ZNF451: variants seen among roughly 807,000 people sequenced by gnomAD.
ZNF451 encodes E3 SUMO-protein ligase ZNF451.
Under a neutral mutation model 107.1 loss-of-function variants are expected in ZNF451, and 80 were observed. The observed-to-expected ratio is 0.75, with a 90% confidence interval of 0.62 to 0.90. The LOEUF is 0.90. Ranked by LOEUF, ZNF451 falls within the 40% of genes least tolerant of loss-of-function variation. ZNF451 has a pLI of 0.00. For missense variants in ZNF451, 1,107 were observed against 1,236.2 expected, an observed-to-expected ratio of 0.90 and a Z score of 1.57; for synonymous variants, 362 against 406.5, an observed-to-expected ratio of 0.89 and a Z score of 1.32.
intron 7 of ZNF451, among the ~76,000 whole-genome samples, chr6:57,137,158 C>T (rs1310343674): frequency 6.6e-6 from 1 of 152,210 alleles, no homozygotes; most frequent in Non-Finnish European, 1.5e-5. Context: ...ACCACAAGGA[C>T]TCTAAAGAAA....
intron 3 of ZNF451, among the ~76,000 whole-genome samples, chr6:57,117,174 G>T (rs1327655443): frequency 6.6e-6 from 1 of 152,068 alleles, no homozygotes; most frequent in Non-Finnish European, 1.5e-5. Context: ...AATCAGAAGT[G>T]TTTGGGTTTT....
In ZNF451 at chr6:57,106,427, C is replaced by T. The variant is rs912243477; in HGVS notation, c.186+7286C>T. ...CGGGTTCAAGCAATTCTGTCTCAGC[C>T]TCCCGAGTAGCTGGGATTACAGGCA... On this transcript the variant is annotated intron_variant, in intron 3 of 14. Coordinates refer to ENST00000370706, the MANE Select transcript of ZNF451 (RefSeq NM_001031623.3). 6.5e-6 allele frequency: 4 copies of T among 613,490 alleles called. No homozygotes were observed. In the Admixed American group the frequency reaches 2.5e-4, roughly 39 times the overall value. 38.0% of individuals were successfully genotyped at this position (613,490 alleles called of 1,614,324 possible).
At chr6:57,099,772 T>C (rs996657206) in intron 3 of ZNF451, among the ~76,000 whole-genome samples, 1 of 152,220 alleles carries the variant, frequency 6.6e-6, no homozygotes, top group African/African-American at 2.4e-5. Flanking sequence ...TTGTCCTTGC[T>C]TTAGCCCAAA....
Position 57,150,762 on chromosome 6 carries a change from CATGACTCAT to C in ZNF451, c.2655_2663del (p.Met885_His887del). 6.2e-7 allele frequency: 1 copy of C among 1,612,066 alleles called. No individual in the cohort carries two copies. The highest frequency in any genetic ancestry group is 8.5e-7 in the Non-Finnish European group (1 of 1,179,068). ...TTCCAGATTTGGATTACCTGCGAAC[CATGACTCAT>C]ATAGTCTTTGTAGATTTTGATAACT... On this transcript the variant is annotated inframe_deletion, in exon 11 of 15. Coordinates refer to ENST00000370706, the MANE Select transcript of ZNF451 (RefSeq NM_001031623.3).
intron 14 of ZNF451, among the ~76,000 whole-genome samples, chr6:57,167,177 A>G (rs1229202047): frequency 6.7e-6 from 1 of 150,056 alleles, no homozygotes; most frequent in African/African-American, 2.5e-5. Flanking sequence ...GATTTCGTAT[A>G]TATATACACA....
chr6:57,158,621 A>G (rs1763536145), intron 13 of ZNF451: 1 of 985,372 alleles, frequency 1.0e-6, no homozygotes, highest in Non-Finnish European at 1.2e-6. Context: ...CCTGCCTCCC[A>G]TTGCTTCCTC....
chr6:57,161,112 C>T lies in ZNF451; in HGVS notation c.3099C>T (p.Ala1033=). The part of the protein sequence containing the change: ...KECDSDDNMG[A]KNTSIGEEFI... The stretch of plus-strand genomic sequence containing the variant: ...GTGACAGTGATGATAACATGGGTGC[C>T]AAAAATACTTCAATAGGAGAAGAAT... Residue 1033 remains alanine, a synonymous_variant, in exon 14 of 15, where the codon GCC becomes GCT. Coordinates refer to ENST00000370706, the MANE Select transcript of ZNF451 (RefSeq NM_001031623.3). The T allele has an allele frequency of 6.4e-7, 1 of 1,559,460 alleles. No homozygotes were observed. Among genetic ancestry groups the T allele is most frequent in the Non-Finnish European group, 8.6e-7 (1 of 1,158,100 alleles).
chr6:57,113,620 A>ATTT (rs869045366), intron 3 of ZNF451, among the ~76,000 whole-genome samples: 6 of 137,228 alleles, frequency 4.4e-5, no homozygotes, highest in South Asian at 2.3e-4. Context: ...AGAAAAAAAA[A>ATTT]TTTTTTTTTT....
chr6:57,099,551 G>A, intron 3 of ZNF451: 2 of 715,784 alleles, frequency 2.8e-6, no homozygotes, highest in Non-Finnish European at 5.2e-6. Flanking sequence ...AGGATATGTA[G>A]AGATCCTTTT....
chr6:57,166,398 C>CT (rs1431317702), intron 14 of ZNF451, among the ~76,000 whole-genome samples: 1 of 152,116 alleles, frequency 6.6e-6, no homozygotes, highest in Non-Finnish European at 1.5e-5. Context: ...CTTGTATAAA[C>CT]TTTAAAATTT....
At position 57,141,817 on chromosome 6, in the gene ZNF451, A is replaced by C. The variant is rs1050386373; in HGVS notation, c.857-131A>C. On this transcript the variant is annotated intron_variant, in intron 8 of 14. Transcript: ENST00000370706. Reference sequence around the variant, plus strand: ...TTAAGGCTAGAAAGTGGCTTCCCTTAGATTTTTATTGCCAAAATAACTGTC... The same window carrying C: ...TTAAGGCTAGAAAGTGGCTTCCCTTCGATTTTTATTGCCAAAATAACTGTC... 17 of 797,214 alleles carry C rather than the reference A, an allele frequency of 2.1e-5. No individual in the cohort carries two copies. In the Admixed American group the frequency reaches 4.3e-4, roughly 20 times the overall value. 49.4% of individuals were successfully genotyped at this position (797,214 alleles called of 1,614,324 possible).
In ZNF451 at chr6:57,103,880, A is replaced by G. The variant is rs1829722371; in HGVS notation, c.186+4739A>G. ...CCCATCATAACCATATTCAGCACCC[A>G]TTTTTAAATCTACTTTTCTTCCTTA... On this transcript the variant is annotated intron_variant, in intron 3 of 14. Coordinates refer to ENST00000370706, the MANE Select transcript of ZNF451 (RefSeq NM_001031623.3). 3 of 985,174 alleles carry G rather than the reference A, an allele frequency of 3.0e-6. No individual in the cohort carries two copies. The South Asian group carries it at 1.4e-4, about 46-fold the overall frequency. The allele number at this position is 985,174 out of a possible 1,614,324, so 61.0% of individuals were successfully genotyped here. A position where few individuals can be genotyped will look rare whatever the true frequency, so the allele number is the denominator to read the frequency against.
chr6:57,104,093 T>C, intron 3 of ZNF451: 1 of 984,568 alleles, frequency 1.0e-6, no homozygotes, highest in Non-Finnish European at 1.2e-6. Context: ...TTATCTTATT[T>C]TTCTGTATTT....
At position 57,147,437 on chromosome 6, in the gene ZNF451, T is replaced by C; in HGVS notation, c.1352T>C (p.Leu451Ser). Reference protein sequence around the residue: ...CIAIPKKKMNLKDKSHEGVAC... With the variant: ...CIAIPKKKMNSKDKSHEGVAC... ...GCCATTCCAAAAAAGAAGATGAATTTAAAAGATAAAAGCCATGAAGGTGTT... is the reference window on the plus strand; with the variant it reads ...GCCATTCCAAAAAAGAAGATGAATTCAAAAGATAAAAGCCATGAAGGTGTT... The change falls in exon 10 of 15, where the codon TTA (leucine) becomes TCA (serine). Residue 451 changes from leucine to serine, a missense_variant. Physicochemically the swap from Leu to Ser is moderately radical, Grantham distance 145. Transcript: ENST00000370706. The C allele has an allele frequency of 1.9e-6, 3 of 1,614,004 alleles. No individual in the cohort carries two copies. Among genetic ancestry groups the C allele is most frequent in the Non-Finnish European group, 2.5e-6 (3 of 1,179,960 alleles).
At chr6:57,163,860 G>C (rs1479295637) in intron 14 of ZNF451, among the ~76,000 whole-genome samples, 1 of 152,048 alleles carries the variant, frequency 6.6e-6, no homozygotes, top group Non-Finnish European at 1.5e-5. Context: ...ATAGAATATT[G>C]GGTTATTTTG....
chr6:57,107,758 A>G, intron 3 of ZNF451: 2 of 984,860 alleles, frequency 2.0e-6, no homozygotes, highest in Non-Finnish European at 2.4e-6. Flanking sequence ...GACTTTGGAG[A>G]TCTCTCAAGT....
rs144133336 is a variant in ZNF451 at position 57,138,369 on chromosome 6, T to A, written c.703-2933T>A. ...CCTCTGCCTCCCGGGTTCAAACGAT[T>A]CTTCTGCCTCAGCCTCCTGGGTAGC... On this transcript the variant is annotated intron_variant, in intron 7 of 14. Coordinates refer to ENST00000370706, the MANE Select transcript of ZNF451 (RefSeq NM_001031623.3). Among the ~76,000 whole-genome samples, 1,252 of 151,850 alleles carry A rather than the reference T, an allele frequency of 8.2e-3. 19 individuals are homozygous for A. The highest frequency in any genetic ancestry group is 0.029 in the African/African-American group (1,190 of 41,352).
intron 3 of ZNF451, chr6:57,108,416 T>C (rs975651071): frequency 1.0e-6 from 1 of 985,326 alleles, no homozygotes; most frequent in Non-Finnish European, 1.2e-6. Context: ...TAAATAACTA[T>C]ATGTTGTGGT....
chr6:57,162,662 C>A (rs1435618508), intron 14 of ZNF451, among the ~76,000 whole-genome samples: 14 of 152,178 alleles, frequency 9.2e-5, no homozygotes. Context: ...CTAAAGAGTT[C>A]AGATTTTGCA....
Sources: allele counts gnomAD v4.1 joint callset (sites outside exome capture counted in the v4.1 genomes callset), GRCh38; gene constraint gnomAD v4.1.1; transcripts MANE v1.5; gene names NCBI Gene and HGNC (gene_info 2026-07-23, HGNC 2026-07-21).